Variants in MED13 observed in about 807,000 individuals in gnomAD.
MED13 encodes the protein mediator of RNA polymerase II transcription subunit 13.
MED13 carries 23 observed loss-of-function variants against 225.2 expected under a neutral mutation model. The observed-to-expected ratio is 0.10, with a 90% CI of 0.07 to 0.14. The LOEUF (loss-of-function observed/expected upper bound fraction) is 0.14. MED13 is among the 10% of genes least tolerant of loss of function. The probability of loss-of-function intolerance (pLI) is 1.00; values close to 1 mark genes in which losing one functional copy is unlikely to be tolerated. For missense variants in MED13, 2,197 were observed against 2,594.5 expected, an observed-to-expected ratio of 0.85 and a Z score of 3.33; for synonymous variants, 942 against 889.2, an observed-to-expected ratio of 1.06 and a Z score of -1.06.
intron 17 of MED13, among the ~76,000 whole-genome samples, chr17:61,971,296 G>A (rs1227186003): frequency 4.4e-5 from 6 of 137,544 alleles, no homozygotes; most frequent in African/African-American, 1.6e-4. Flanking sequence ...TTTTTTTTGA[G>A]ATGGAGTTTC....
chr17:61,946,605 A>G lies in MED13; in HGVS notation c.6393-5T>C, dbSNP rs1416314960. 8 of 1,608,658 alleles carry G rather than the reference A, an allele frequency of 5.0e-6. No homozygotes were observed. The African/African-American group carries it at 1.1e-4, about 22-fold the overall frequency. ...TTGTACTGTTCCAAAACAAACCTGA[A>G]AAGCAAATAAACTGCATAAGTCATT... On this transcript the variant is annotated splice_polypyrimidine_tract_variant and splice_region_variant and intron_variant, in intron 29 of 29. Coordinates refer to ENST00000397786, the MANE Select transcript of MED13 (RefSeq NM_005121.3).
chr17:61,981,624 T>G (rs925953540), intron 16 of MED13, among the ~76,000 whole-genome samples: 35 of 152,194 alleles, frequency 2.3e-4, no homozygotes, highest in African/African-American at 8.4e-4. Flanking sequence ...ATAGCTCATA[T>G]TCTATGTTAT....
rs1454354703 is a variant in MED13, at chr17:61,987,170, A to G, written c.2264-42T>C. On this transcript the variant is annotated intron_variant, in intron 11 of 29. Transcript: ENST00000397786. ...GAAAAATAAAATTAAAACTGCTACT[A>G]CTATGCCTGTAATCCCAGCACTTTG... The G allele has an allele frequency of 4.7e-6, 7 of 1,491,382 alleles. No homozygotes were observed. In the African/African-American group the frequency reaches 5.7e-5, roughly 12 times the overall value. 92.4% of individuals were successfully genotyped at this position (1,491,382 alleles called of 1,614,324 possible). A position where few individuals can be genotyped will look rare whatever the true frequency, so the allele number is the denominator to read the frequency against.
intron 2 of MED13, among the ~76,000 whole-genome samples, chr17:62,060,373 A>G (rs1169578366): frequency 2.0e-5 from 3 of 152,060 alleles, no homozygotes; most frequent in Non-Finnish European, 4.4e-5. Context: ...CTGTAATCCC[A>G]GCAGTTTGGG....
intron 5 of MED13, 23 bp downstream of exon 5, chr17:62,033,764 G>A: frequency 1.9e-6 from 3 of 1,605,580 alleles, no homozygotes; most frequent in Non-Finnish European, 2.6e-6. Flanking sequence ...TTTCCCCTTA[G>A]GAATAATACT....
rs377107505 is a variant in MED13 at position 61,999,208 on chromosome 17, G to A, written c.1968-3843C>T. On this transcript the variant is annotated intron_variant, in intron 9 of 29. Coordinates refer to ENST00000397786, the MANE Select transcript of MED13 (RefSeq NM_005121.3). ...TCTGGTATACCACTAACACAACATAGGAGTTAATTCTATTGATGAATATCA... is the reference window on the plus strand; with the variant it reads ...TCTGGTATACCACTAACACAACATAAGAGTTAATTCTATTGATGAATATCA... 3.4e-4 allele frequency among the ~76,000 whole-genome samples: 51 copies of A among 152,074 alleles called. No homozygotes were observed. The East Asian group carries it at 8.7e-3, about 26-fold the overall frequency.
chr17:62,009,287 T>C (rs1489333429), intron 9 of MED13, among the ~76,000 whole-genome samples: 1 of 152,004 alleles, frequency 6.6e-6, no homozygotes, highest in Non-Finnish European at 1.5e-5. Context: ...AAGTATAACA[T>C]TAATACAGTG....
intron 18 of MED13, 53 bp downstream of exon 18, chr17:61,967,982 A>G (rs929476845): frequency 7.1e-7 from 1 of 1,399,652 alleles, no homozygotes; most frequent in Admixed American, 1.7e-5. Context: ...TGTATATACA[A>G]CAATACAAAT....
At chr17:62,060,660 A>G (rs1027495305) in intron 2 of MED13, among the ~76,000 whole-genome samples, 1 of 148,758 alleles carries the variant, frequency 6.7e-6, no homozygotes, top group African/African-American at 2.5e-5. Context: ...AAAAAAAAAA[A>G]CCAACCTCCC....
At position 61,955,343 on chromosome 17, in the gene MED13, G is replaced by A. The variant is rs2079933308; in HGVS notation, c.5968+39C>T. 2.8e-6 allele frequency: 4 copies of A among 1,420,250 alleles called. No individual in the cohort carries two copies. In the East Asian group the frequency reaches 7.3e-5, roughly 26 times the overall value. The allele number at this position is 1,420,250 out of a possible 1,614,324, so 88.0% of individuals were successfully genotyped here. On this transcript the variant is annotated intron_variant, in intron 26 of 29. Transcript: ENST00000397786. ...TATTGGACATGAATTTATTTTGGGG[G>A]GTATTCTTCAGACTACCAAAATGGA...
At chr17:62,029,231 G>A (rs1204881038) in intron 8 of MED13, 1 of 246,048 alleles carries the variant, frequency 4.1e-6, no homozygotes, top group East Asian at 8.1e-5. Flanking sequence ...TTTCTCAAGA[G>A]ATTTATATGG....
At position 61,944,989 on chromosome 17, in the gene MED13, T is replaced by C. The variant is rs1461454654; in HGVS notation, c.*1479A>G. 4 of 152,612 alleles carry C rather than the reference T, an allele frequency of 2.6e-5. No individual in the cohort carries two copies. Among genetic ancestry groups the C allele is most frequent in the African/African-American group, 9.7e-5 (4 of 41,432 alleles). 9.5% of individuals were successfully genotyped at this position (152,612 alleles called of 1,614,324 possible). A position where few individuals can be genotyped will look rare whatever the true frequency, so the allele number is the denominator to read the frequency against. On this transcript the variant is annotated 3_prime_UTR_variant, in exon 30 of 30. Transcript: ENST00000397786. ...GAGGGGTGAATTAAAGTCCCTAAAATTCAAGTCCCTTCTTTAGGGAGGTGA... is the reference window on the plus strand; with the variant it reads ...GAGGGGTGAATTAAAGTCCCTAAAACTCAAGTCCCTTCTTTAGGGAGGTGA...
chr17:62,025,391 G>C (rs566907803), intron 8 of MED13, among the ~76,000 whole-genome samples: 1 of 152,004 alleles, frequency 6.6e-6, no homozygotes, highest in South Asian at 2.1e-4. Flanking sequence ...CAGTTGGCTG[G>C]GCATGGTGGC....
chr17:62,011,608 T>C (rs912627111), intron 8 of MED13, among the ~76,000 whole-genome samples: 7 of 152,210 alleles, frequency 4.6e-5, no homozygotes, highest in Admixed American at 4.6e-4. Context: ...GTACCTGATA[T>C]TTCCTGTTAG....
At chr17:62,036,836 T>C (rs1345297143) in intron 3 of MED13, 1 of 152,246 alleles carries the variant, frequency 6.6e-6, no homozygotes, top group East Asian at 1.9e-4. Flanking sequence ...TGACAGAGGC[T>C]AGTCTGAAGG....
intron 3 of MED13, among the ~76,000 whole-genome samples, chr17:62,047,210 A>C (rs1388610925): frequency 6.6e-6 from 1 of 152,000 alleles, no homozygotes; most frequent in Non-Finnish European, 1.5e-5. Flanking sequence ...GTCTCTACTA[A>C]AAATACAAAA....
intron 3 of MED13, among the ~76,000 whole-genome samples, chr17:62,050,789 A>G (rs7214601): frequency 0.021 from 3,161 of 152,248 alleles, 106 homozygotes; most frequent in African/African-American, 0.072. Context: ...GGATTGCCTG[A>G]GCTCAGGAGT....
chr17:62,048,675 GCTTATACCC>G, intron 3 of MED13, among the ~76,000 whole-genome samples: 1 of 152,218 alleles, frequency 6.6e-6, no homozygotes, highest in African/African-American at 2.4e-5. Context: ...TGGCAGCCCA[GCTTATACCC>G]TCTAGTCAGA....
chr17:62,029,686 A>G, intron 7 of MED13, 35 bp from the exon 8 acceptor site: 2 of 1,582,886 alleles, frequency 1.3e-6, no homozygotes, highest in Admixed American at 1.8e-5. Flanking sequence ...TTTAAAATTC[A>G]TAAAATTTTC....
Sources: allele counts gnomAD v4.1 joint callset (sites outside exome capture counted in the v4.1 genomes callset), GRCh38; gene constraint gnomAD v4.1.1; transcripts MANE v1.5; gene names NCBI Gene and HGNC (gene_info 2026-07-23, HGNC 2026-07-21).